Variants in EFCAB6 observed in about 807,000 individuals in gnomAD.
The protein encoded by EFCAB6 is EF-hand calcium binding domain 6, also known as EF-hand calcium-binding domain-containing protein 6.
Under a neutral mutation model 169.8 loss-of-function variants are expected in EFCAB6, and 156 were observed. The ratio of observed to expected loss-of-function variants is 0.92; its 90% CI spans 0.81 to 1.05. EFCAB6 has a LOEUF of 1.05. Ranked by LOEUF, EFCAB6 falls within the 50% of genes least tolerant of loss-of-function variation. EFCAB6 has a pLI of 0.00. For missense variants in EFCAB6, 1,800 were observed against 1,829.1 expected, an observed-to-expected ratio of 0.98 and a Z score of 0.29; for synonymous variants, 698 against 676.4, an observed-to-expected ratio of 1.03 and a Z score of -0.50.
chr22:43,660,981 A>C (rs1326898740), intron 17 of EFCAB6, among the ~76,000 whole-genome samples: 1 of 152,238 alleles, frequency 6.6e-6, no homozygotes, highest in African/African-American at 2.4e-5. Flanking sequence ...GAAGAGAAAC[A>C]ATTCAGACAA....
Position 43,695,678 on chromosome 22 carries a change from A to C in EFCAB6, c.1032-8097T>G, listed in dbSNP as rs576853400. Among the ~76,000 whole-genome samples the C allele has an allele frequency of 4.3e-4, 65 of 152,200 alleles. 1 individual carries two copies. The Middle Eastern group carries it at 0.02, about 48-fold the overall frequency. On this transcript the variant is annotated intron_variant, in intron 10 of 31. Coordinates refer to ENST00000262726, the MANE Select transcript of EFCAB6 (RefSeq NM_022785.4). ...GGAATCCAGAAATATACTCACACTTATATGGTTAGTTAATTTTCAACAAAC... is the reference window on the plus strand; with the variant it reads ...GGAATCCAGAAATATACTCACACTTCTATGGTTAGTTAATTTTCAACAAAC...
At chr22:43,661,279 G>A (rs933418341) in intron 17 of EFCAB6, among the ~76,000 whole-genome samples, 1 of 152,132 alleles carries the variant, frequency 6.6e-6, no homozygotes, top group African/African-American at 2.4e-5. Context: ...TTGGGAGGCT[G>A]CAGTGGGAGG....
At chr22:43,661,147 G>C (rs1214746761) in intron 17 of EFCAB6, among the ~76,000 whole-genome samples, 1 of 152,176 alleles carries the variant, frequency 6.6e-6, no homozygotes, top group Non-Finnish European at 1.5e-5. Flanking sequence ...AGCCAACACA[G>C]GAGGATTTCT....
chr22:43,600,465 G>A (rs908434755), intron 22 of EFCAB6, among the ~76,000 whole-genome samples: 1 of 152,076 alleles, frequency 6.6e-6, no homozygotes, highest in Non-Finnish European at 1.5e-5. Context: ...CTCCTGATCC[G>A]ATCCGCATCC....
intron 20 of EFCAB6, among the ~76,000 whole-genome samples, chr22:43,617,297 A>C (rs1476038005): frequency 6.6e-6 from 1 of 152,200 alleles, no homozygotes; most frequent in Non-Finnish European, 1.5e-5. Flanking sequence ...TTCCACCTGC[A>C]CCAGAGGACT....
At chr22:43,565,748 C>A (rs926541) in intron 26 of EFCAB6, among the ~76,000 whole-genome samples, 109,420 of 151,644 alleles carry the variant, frequency 0.72, 39,663 homozygotes, top group Admixed American at 0.8. Flanking sequence ...TTCTATGATT[C>A]CTTACAGGAG....
At chr22:43,760,407 TATA>T (rs2061121499) in intron 5 of EFCAB6, among the ~76,000 whole-genome samples, 1 of 152,230 alleles carries the variant, frequency 6.6e-6, no homozygotes, top group Admixed American at 6.5e-5. Context: ...TCTCACTGCC[TATA>T]ATATTTTCTC....
At chr22:43,637,397 G>C (rs2055489614) in intron 17 of EFCAB6, among the ~76,000 whole-genome samples, 1 of 152,198 alleles carries the variant, frequency 6.6e-6, no homozygotes, top group African/African-American at 2.4e-5. Flanking sequence ...CCAGGGAGCT[G>C]GCCCCTGTGG....
At chr22:43,695,507 G>C (rs1006246927) in intron 10 of EFCAB6, among the ~76,000 whole-genome samples, 2 of 151,896 alleles carry the variant, frequency 1.3e-5, no homozygotes, top group African/African-American at 4.8e-5. Context: ...TATATAGAAA[G>C]ACAAAGAACC....
chr22:43,585,126 C>CA (rs2050975259), intron 24 of EFCAB6, among the ~76,000 whole-genome samples: 1 of 152,066 alleles, frequency 6.6e-6, no homozygotes, highest in Non-Finnish European at 1.5e-5. Context: ...GCTGCAGAAG[C>CA]AGACTCATAT....
intron 2 of EFCAB6, among the ~76,000 whole-genome samples, chr22:43,786,426 GA>G (rs1454306643): frequency 1.3e-5 from 2 of 150,026 alleles, no homozygotes; most frequent in Non-Finnish European, 3.0e-5. Flanking sequence ...AAAGACATTA[GA>G]AAAAAAGAAA....
intron 6 of EFCAB6, among the ~76,000 whole-genome samples, chr22:43,736,278 G>T (rs1276601067): frequency 6.6e-6 from 1 of 152,048 alleles, no homozygotes; most frequent in Non-Finnish European, 1.5e-5. Flanking sequence ...CCCTTCTAGG[G>T]CCATATGAAA....
chr22:43,575,171 G>GTTT (rs1271562929), intron 26 of EFCAB6, among the ~76,000 whole-genome samples: 3 of 123,972 alleles, frequency 2.4e-5, no homozygotes, highest in African/African-American at 5.4e-5. Flanking sequence ...TTAATAGACT[G>GTTT]TTTTTGTTGT....
chr22:43,667,539 G>A (rs2057317102), intron 16 of EFCAB6, among the ~76,000 whole-genome samples: 2 of 152,168 alleles, frequency 1.3e-5, no homozygotes, highest in South Asian at 4.1e-4. Flanking sequence ...CTTGCAGGGA[G>A]AGAATATTAT....
rs757685362 is a variant in EFCAB6, at chr22:43,600,241, G to A, written c.2704C>T (p.His902Tyr). ...WARYDTEGKGHITYQEFLQKL... is the reference protein window; with the variant it reads ...WARYDTEGKGYITYQEFLQKL... Reference sequence around the variant, plus strand: ...TGTAAAAATTCCTGGTAAGTAATGTGCCCTTTTCCCTCGGTGTCGTATCTT... The same window carrying A: ...TGTAAAAATTCCTGGTAAGTAATGTACCCTTTTCCCTCGGTGTCGTATCTT... Residue 902 changes from histidine (H) to tyrosine (Y), a missense_variant, in exon 23 of 32, where the codon CAC becomes TAC. Transcript: ENST00000262726. 1 of 1,614,046 alleles carries A rather than the reference G, an allele frequency of 6.2e-7. No homozygotes were observed. Among genetic ancestry groups the A allele is most frequent in the South Asian group, 1.1e-5 (1 of 91,020 alleles).
chr22:43,541,093 G>A (rs1052801937), intron 27 of EFCAB6, among the ~76,000 whole-genome samples: 1 of 152,166 alleles, frequency 6.6e-6, no homozygotes, highest in Non-Finnish European at 1.5e-5. Flanking sequence ...AAAACCAGAC[G>A]GAGCCCCAGC....
intron 24 of EFCAB6, among the ~76,000 whole-genome samples, chr22:43,588,123 C>A (rs1434503696): frequency 6.6e-6 from 1 of 152,162 alleles, no homozygotes; most frequent in Admixed American, 6.5e-5. Context: ...TTTAAAGATA[C>A]TGACATTGGG....
chr22:43,673,453 A>C lies in EFCAB6; in HGVS notation c.1420-1148T>G, dbSNP rs114937973. ...AAAATAAAAAATAAATGAACATCCA[A>C]ATTATAACAGTTATTTAGTATATTT... On this transcript the variant is annotated intron_variant, in intron 13 of 31. Transcript: ENST00000262726. Among the ~76,000 whole-genome samples the C allele has an allele frequency of 4.3e-3, 656 of 152,334 alleles. 8 individuals are homozygous for C. Among genetic ancestry groups the C allele is most frequent in the African/African-American group, 0.015 (629 of 41,564 alleles).
At chr22:43,739,191 G>A (rs2060276990) in intron 6 of EFCAB6, among the ~76,000 whole-genome samples, 1 of 152,350 alleles carries the variant, frequency 6.6e-6, no homozygotes, top group East Asian at 1.9e-4. Context: ...GTTCTTGTCA[G>A]CATGACCAAA....
Sources: allele counts gnomAD v4.1 joint callset (sites outside exome capture counted in the v4.1 genomes callset), GRCh38; gene constraint gnomAD v4.1.1; transcripts MANE v1.5; gene names NCBI Gene and HGNC (gene_info 2026-07-23, HGNC 2026-07-21).